Variants in TNRC18 observed in about 807,000 individuals in gnomAD.
TNRC18 encodes trinucleotide repeat containing 18.
Under a neutral mutation model 226.7 loss-of-function variants are expected in TNRC18, and 69 were observed. The ratio of observed to expected loss-of-function variants is 0.30; its 90% CI spans 0.25 to 0.37. The LOEUF is 0.37. Ranked by LOEUF, TNRC18 falls within the 10% of genes least tolerant of loss-of-function variation. TNRC18 has a pLI of 1.00. For synonymous variants in TNRC18, 2,449 were observed against 1,927.6 expected (o/e 1.27, Z -7.09); for missense variants, 4,754 against 4,256.6 (o/e 1.12, Z -3.25).
At chr7:5,380,566 G>A (rs533151911) in intron 5 of TNRC18, among the ~76,000 whole-genome samples, 12 of 152,328 alleles carry the variant, frequency 7.9e-5, no homozygotes, top group South Asian at 4.1e-4. Flanking sequence ...CGGGCAGCCC[G>A]GCACGGGGAG....
chr7:5,327,372 C>CGTGTGTGTGTGTGTGT (rs5882054), intron 19 of TNRC18, among the ~76,000 whole-genome samples: 1 of 142,708 alleles, frequency 7.0e-6, no homozygotes, highest in African/African-American at 2.5e-5. Flanking sequence ...TGTGTTTGTG[C>CGTGTGTGTGTGTGTGT]GTGTGTGTGT....
rs1201968916 is a variant in TNRC18, at chr7:5,332,783, G to T, written c.5986C>A (p.Arg1996=). The T allele has an allele frequency of 2.0e-6, 3 of 1,512,996 alleles. No homozygotes were observed. The highest frequency in any genetic ancestry group is 2.6e-6 in the Non-Finnish European group (3 of 1,137,888). The allele number at this position is 1,512,996 out of a possible 1,614,324, so 93.7% of individuals were successfully genotyped here. ...AGGAAGATGCGCTCGCTGCGGCGCC[G>T]CGTCCACAGGTCGTCGTCGCTGGCC... ...PEASDDDLWT[R]RRSERIFLHD... is the part of the protein sequence containing the mutation. The change falls in exon 19 of 30, where the codon CGG becomes AGG. Residue 1996 remains arginine, a synonymous_variant. Transcript: ENST00000430969.
At position 5,388,251 on chromosome 7, in the gene TNRC18, C is replaced by G. The variant is rs746829993; in HGVS notation, c.1573G>C (p.Val525Leu). The G allele has an allele frequency of 6.2e-7, 1 of 1,606,600 alleles. No homozygotes were observed. Among genetic ancestry groups the G allele is most frequent in the African/African-American group, 1.3e-5 (1 of 74,632 alleles). Residue 525 changes from valine to leucine, a missense_variant, in exon 5 of 30, where the codon GTG becomes CTG. Coordinates refer to ENST00000430969, the MANE Select transcript of TNRC18 (RefSeq NM_001080495.3). ...CTGTGGTGGTGCTGCGCGGCCAGCA[C>G]GGCCATCTGCGTGGCGGCGAAGTTG... is the stretch of plus-strand genomic sequence containing the variant. The part of the protein sequence containing the change: ...LGNFAATQMA[V>L]LAAQHHHSRA...
intron 2 of TNRC18, among the ~76,000 whole-genome samples, chr7:5,405,689 G>A (rs1562628766): frequency 1.3e-5 from 2 of 152,116 alleles, no homozygotes; most frequent in Admixed American, 6.6e-5. Flanking sequence ...GTTGCAATGA[G>A]CCGAGATCAT....
At chr7:5,331,127 G>C (rs1789481417) in intron 19 of TNRC18, among the ~76,000 whole-genome samples, 1 of 152,128 alleles carries the variant, frequency 6.6e-6, no homozygotes, top group Admixed American at 6.6e-5. Context: ...CTACCCCTTT[G>C]TCAGGAAATC....
intron 2 of TNRC18, among the ~76,000 whole-genome samples, chr7:5,409,119 C>A (rs1266000353): frequency 1.3e-5 from 2 of 151,722 alleles, no homozygotes; most frequent in Non-Finnish European, 2.9e-5. Context: ...CCTCAATGGC[C>A]AACAAGCCCC....
At chr7:5,419,346 G>A (rs1782392688) in intron 2 of TNRC18, among the ~76,000 whole-genome samples, 1 of 152,204 alleles carries the variant, frequency 6.6e-6, no homozygotes, top group Non-Finnish European at 1.5e-5. Flanking sequence ...TCCCAGCCTC[G>A]AAAAAGCCAA....
At chr7:5,361,265 G>A (rs1793010933) in intron 14 of TNRC18, among the ~76,000 whole-genome samples, 1 of 152,240 alleles carries the variant, frequency 6.6e-6, no homozygotes, top group African/African-American at 2.4e-5. Flanking sequence ...CAGCCCAGCG[G>A]GTCCTTCCGC....
At chr7:5,360,203 TTTTA>T (rs373223281) in intron 14 of TNRC18, among the ~76,000 whole-genome samples, 4,175 of 151,184 alleles carry the variant, frequency 0.028, 69 homozygotes, top group South Asian at 0.059. Context: ...TGCTGCTGTA[TTTTA>T]TTTATTTATT....
At chr7:5,390,030 G>A (rs754787883) in intron 4 of TNRC18, 117 of 217,098 alleles carry the variant, frequency 5.4e-4, no homozygotes, top group Non-Finnish European at 6.3e-4. Flanking sequence ...GGCTGTGGGT[G>A]GGCCCAAGGA....
At chr7:5,421,515 GAAGA>G (rs1018314315) in intron 1 of TNRC18, 26 bp from the exon 2 acceptor site, 2 of 151,830 alleles carry the variant, frequency 1.3e-5, no homozygotes, top group Admixed American at 6.6e-5. Context: ...ACAGGCCGCG[GAAGA>G]AATAGAAAGG....
At chr7:5,418,095 G>C (rs1782303085) in intron 2 of TNRC18, among the ~76,000 whole-genome samples, 1 of 152,186 alleles carries the variant, frequency 6.6e-6, no homozygotes, top group African/African-American at 2.4e-5. Context: ...TGTGGGGGCA[G>C]GGAGAATAAA....
At chr7:5,420,111 C>G (rs1399864438) in intron 2 of TNRC18, 1 of 307,862 alleles carries the variant, frequency 3.2e-6, no homozygotes, top group Admixed American at 4.8e-5. Flanking sequence ...CTCCTTCCCA[C>G]CCCTCTGGCT....
intron 2 of TNRC18, among the ~76,000 whole-genome samples, chr7:5,404,680 C>A (rs545326431): frequency 2.6e-5 from 4 of 152,046 alleles, no homozygotes; most frequent in Non-Finnish European, 5.9e-5. Flanking sequence ...GACCTACTTA[C>A]TGGGATGCTC....
At chr7:5,339,619 C>A (rs1790485900) in intron 18 of TNRC18, among the ~76,000 whole-genome samples, 1 of 150,432 alleles carries the variant, frequency 6.6e-6, no homozygotes, top group African/African-American at 2.5e-5. Flanking sequence ...GGATGGAGGG[C>A]AGTGCAATGG....
rs34693947 is a variant in TNRC18 at position 5,387,886 on chromosome 7, G to A, written c.1938C>T (p.Gly646=). ...RLPHSGGPAA[G]GGRQLKRDPE... ...GGTCCCGCTTCAGCTGCCGGCCGCCGCCCGCTGCAGGGCCTCCGGAGTGTG... is the reference window on the plus strand; with the variant it reads ...GGTCCCGCTTCAGCTGCCGGCCGCCACCCGCTGCAGGGCCTCCGGAGTGTG... Residue 646 remains glycine, a synonymous_variant, in exon 5 of 30, where the codon GGC becomes GGT. Coordinates refer to ENST00000430969, the MANE Select transcript of TNRC18 (RefSeq NM_001080495.3). 0.063 allele frequency: 100,390 copies of A among 1,589,482 alleles called. 11,287 individuals are homozygous for A. Among genetic ancestry groups the A allele is most frequent in the East Asian group, 0.62 (27,130 of 43,668 alleles).
Position 5,361,786 on chromosome 7 carries a change from C to A in TNRC18, c.4533-64G>T. The stretch of plus-strand genomic sequence containing the variant: ...GCGGGCGGGGCGCGGAGAACGGGCA[C>A]ACGATGCACACACGGCGCCGGGTCC... On this transcript the variant is annotated intron_variant, in intron 13 of 29. Transcript: ENST00000430969. The A allele has an allele frequency of 2.0e-6, 3 of 1,537,684 alleles. No individual in the cohort carries two copies. In the South Asian group the frequency reaches 3.6e-5, roughly 18 times the overall value.
rs59857141 is a variant in TNRC18 at position 5,356,830 on chromosome 7, C to CGG, written c.5194+84_5194+85dup. 1.4e-3 allele frequency: 1,123 copies of CGG among 806,278 alleles called. 2 individuals are homozygous for CGG. Among genetic ancestry groups the CGG allele is most frequent in the African/African-American group, 3.8e-3 (180 of 47,312 alleles). The allele number at this position is 806,278 out of a possible 1,614,324, so 49.9% of individuals were successfully genotyped here. On this transcript the variant is annotated intron_variant, in intron 16 of 29. Coordinates refer to ENST00000430969, the MANE Select transcript of TNRC18 (RefSeq NM_001080495.3). ...CGAGAGCGAGAGAGAGAGTGAGGGGCGGGGGGGGAAGGAGGACGGTGGAGA... is the reference window on the plus strand; with the variant it reads ...CGAGAGCGAGAGAGAGAGTGAGGGGCGGGGGGGGGGAAGGAGGACGGTGGAGA...
At chr7:5,383,450 T>C (rs1282176289) in intron 5 of TNRC18, among the ~76,000 whole-genome samples, 1 of 152,140 alleles carries the variant, frequency 6.6e-6, no homozygotes, top group Non-Finnish European at 1.5e-5. Flanking sequence ...TATGTGCCCG[T>C]CAGCCCACCC....
Sources: gnomAD v4.1 joint callset for allele counts (sites outside exome capture counted in the v4.1 genomes callset) on GRCh38, gnomAD v4.1.1 for gene constraint, MANE v1.5 for transcripts, NCBI Gene and HGNC (gene_info 2026-07-23, HGNC 2026-07-21) for gene names.